The following SSBP3 variants were observed in gnomAD, a reference collection of about 807,000 sequenced individuals.
SSBP3 encodes single stranded DNA binding protein 3, also known as single-stranded DNA-binding protein 3.
A neutral mutation model predicts 69.6 loss-of-function variants in SSBP3; 5 were observed. That is an observed-to-expected ratio of 0.07 (90% CI 0.04 to 0.15). The LOEUF (loss-of-function observed/expected upper bound fraction) is 0.15. SSBP3 is among the 10% of genes least tolerant of loss of function. The pLI is 1.00. For missense variants in SSBP3, 312 were observed against 534.0 expected (o/e 0.58, Z 4.10); for synonymous variants, 196 against 193.4 (o/e 1.01, Z -0.11).
chr1:54,234,052 A>G (rs895205720), intron 14 of SSBP3, among the ~76,000 whole-genome samples: 1 of 151,484 alleles, frequency 6.6e-6, no homozygotes, highest in Non-Finnish European at 1.5e-5. Flanking sequence ...CTTACCCCCA[A>G]CCCTGTGCTC....
intron 4 of SSBP3, among the ~76,000 whole-genome samples, chr1:54,291,037 G>A (rs1645596643): frequency 6.6e-6 from 1 of 152,184 alleles, no homozygotes; most frequent in South Asian, 2.1e-4. Flanking sequence ...ACTGGCAGTT[G>A]CTTCTGCAAA....
chr1:54,275,370 G>A (rs1225831096), intron 5 of SSBP3, among the ~76,000 whole-genome samples: 2 of 152,232 alleles, frequency 1.3e-5, no homozygotes, highest in African/African-American at 4.8e-5. Context: ...TTCTTCCCAA[G>A]TCTCCCCTTG....
intron 13 of SSBP3, among the ~76,000 whole-genome samples, chr1:54,240,047 G>T (rs12737095): frequency 0.029 from 2,235 of 77,742 alleles, 63 homozygotes; most frequent in African/African-American, 0.056. Flanking sequence ...ATTGTGATGG[G>T]GTGTGTGTGT....
At chr1:54,407,035 G>C (rs978500569), upstream of SSBP3, among the ~76,000 whole-genome samples, 20 of 152,066 alleles carry the variant, frequency 1.3e-4, no homozygotes, top group African/African-American at 4.6e-4. Context: ...GCTGAGAGCT[G>C]GGCGGCTCGA....
intron 4 of SSBP3, among the ~76,000 whole-genome samples, chr1:54,288,794 G>A (rs542006136): frequency 6.6e-5 from 10 of 151,828 alleles, no homozygotes; most frequent in Middle Eastern, 3.4e-3. Context: ...CAAGGTGGGC[G>A]GATCACAAGG....
rs1644669885 is a variant in SSBP3 at position 54,243,089 on chromosome 1, C to A, written c.716+146G>T. On this transcript the variant is annotated intron_variant, in intron 10 of 17. Transcript: ENST00000610401. ...GAGGCTGAGCTCTCATCACCAGGAT[C>A]ATCAATATCCTCACATTACCGATGA... is the stretch of plus-strand genomic sequence containing the variant. 3.9e-6 allele frequency: 3 copies of A among 774,190 alleles called. No individual in the cohort carries two copies. In the Admixed American group the frequency reaches 5.9e-5, roughly 15 times the overall value. 48.0% of individuals were successfully genotyped at this position (774,190 alleles called of 1,614,324 possible).
At chr1:54,295,069 C>A (rs74621586) in intron 4 of SSBP3, among the ~76,000 whole-genome samples, 13 of 152,124 alleles carry the variant, frequency 8.5e-5, no homozygotes, top group African/African-American at 1.2e-4. Context: ...TGAGCTCATG[C>A]GGGAGGAATC....
At chr1:54,267,165 AGG>A (rs1322370030) in intron 5 of SSBP3, among the ~76,000 whole-genome samples, 1 of 152,198 alleles carries the variant, frequency 6.6e-6, no homozygotes, top group Non-Finnish European at 1.5e-5. Flanking sequence ...GTGGTTGGGA[AGG>A]GCCAGGATAT....
chr1:54,343,020 C>T (rs1206975064), intron 4 of SSBP3, among the ~76,000 whole-genome samples: 3 of 152,098 alleles, frequency 2.0e-5, no homozygotes, highest in African/African-American at 4.8e-5. Context: ...AGAACCCGGC[C>T]GGTTTTCAGG....
chr1:54,253,976 G>A lies in SSBP3; in HGVS notation c.508-2116C>T, dbSNP rs370203131. 2.7e-4 allele frequency among the ~76,000 whole-genome samples: 41 copies of A among 152,332 alleles called. No individual in the cohort carries two copies. The South Asian group carries it at 5.8e-3, about 22-fold the overall frequency. On this transcript the variant is annotated intron_variant, in intron 7 of 17. Transcript: ENST00000610401. Reference sequence around the variant, plus strand: ...GGCTCAGAGGGGACCTGGAGGTCGCGTCCCTCACTGAGGTGACCCTGAGAC... The same window carrying A: ...GGCTCAGAGGGGACCTGGAGGTCGCATCCCTCACTGAGGTGACCCTGAGAC...
At chr1:54,351,845 C>T (rs1250382943) in intron 4 of SSBP3, among the ~76,000 whole-genome samples, 1 of 152,220 alleles carries the variant, frequency 6.6e-6, no homozygotes, top group African/African-American at 2.4e-5. Flanking sequence ...CTGACTCGAT[C>T]TGGCCCAGCT....
At chr1:54,363,254 CA>C (rs1646977820) in intron 4 of SSBP3, among the ~76,000 whole-genome samples, 1 of 152,174 alleles carries the variant, frequency 6.6e-6, no homozygotes, top group Non-Finnish European at 1.5e-5. Flanking sequence ...CTCCTAACCA[CA>C]CAGTGCCTTG....
At position 54,235,284 on chromosome 1, in the gene SSBP3, T is replaced by C. The variant is rs1487661887; in HGVS notation, c.927+3845A>G. On this transcript the variant is annotated intron_variant, in intron 14 of 17. Transcript: ENST00000610401. The stretch of plus-strand genomic sequence containing the variant: ...GTCTAAGATGTCCAGTTTTTTTTTT[T>C]TTTTTTTTTTTTTTTGAGACAGAGT... Among the ~76,000 whole-genome samples the C allele has an allele frequency of 8.8e-5, 6 of 68,048 alleles. No individual in the cohort carries two copies. In the South Asian group the frequency reaches 2.3e-3, roughly 26 times the overall value. 44.6% of individuals were successfully genotyped at this position (68,048 alleles called of 152,430 possible). A position where few individuals can be genotyped will look rare whatever the true frequency, so the allele number is the denominator to read the frequency against.
chr1:54,266,420 T>C (rs1413674842), intron 5 of SSBP3, among the ~76,000 whole-genome samples: 1 of 152,200 alleles, frequency 6.6e-6, no homozygotes, highest in Non-Finnish European at 1.5e-5. Context: ...TAAAGTTTTG[T>C]TGGAACAGAG....
At chr1:54,288,754 A>G (rs1222326093) in intron 4 of SSBP3, among the ~76,000 whole-genome samples, 1 of 152,078 alleles carries the variant, frequency 6.6e-6, no homozygotes, top group Non-Finnish European at 1.5e-5. Context: ...TTGGGTTCAA[A>G]AAACAAAACC....
intron 4 of SSBP3, among the ~76,000 whole-genome samples, chr1:54,367,409 A>G (rs182883415): frequency 1.3e-4 from 20 of 152,222 alleles, no homozygotes; most frequent in Non-Finnish European, 2.6e-4. Context: ...GCAAGGTTTC[A>G]GGGACGTAAA....
intron 4 of SSBP3, among the ~76,000 whole-genome samples, chr1:54,319,831 G>T (rs1045112115): frequency 1.3e-5 from 2 of 152,142 alleles, no homozygotes; most frequent in Admixed American, 1.3e-4. Flanking sequence ...TTATTCTTTT[G>T]TTGGCCTCTT....
chr1:54,310,235 C>A (rs917038543), intron 4 of SSBP3, among the ~76,000 whole-genome samples: 3 of 152,192 alleles, frequency 2.0e-5, no homozygotes, highest in Non-Finnish European at 4.4e-5. Flanking sequence ...AACACCCTCT[C>A]TGGGATGATT....
chr1:54,244,836 T>C (rs1462579540), intron 9 of SSBP3, among the ~76,000 whole-genome samples: 2 of 152,134 alleles, frequency 1.3e-5, no homozygotes, highest in Non-Finnish European at 2.9e-5. Context: ...TCGGGCTGAC[T>C]GCTCCAGCCC....
Sources: gnomAD v4.1 joint callset for allele counts (sites outside exome capture counted in the v4.1 genomes callset) on GRCh38, gnomAD v4.1.1 for gene constraint, MANE v1.5 for transcripts, NCBI Gene and HGNC (gene_info 2026-07-23, HGNC 2026-07-21) for gene names.